The following MSANTD4 variants were observed in gnomAD, a reference collection of about 807,000 sequenced individuals.
MSANTD4 encodes Myb/SANT DNA binding domain containing 4 with coiled-coils.
Under a neutral mutation model 34.3 loss-of-function variants are expected in MSANTD4, and 13 were observed. That is an observed-to-expected ratio of 0.38 (90% CI 0.25 to 0.60). The LOEUF (loss-of-function observed/expected upper bound fraction) is 0.60, where lower values mean the gene tolerates loss of function less well. MSANTD4 is among the 20% of genes least tolerant of loss of function. The probability of loss-of-function intolerance (pLI) is 0.63; values close to 1 mark genes in which losing one functional copy is unlikely to be tolerated. For synonymous variants in MSANTD4, 137 were observed against 145.2 expected, an observed-to-expected ratio of 0.94 and a Z score of 0.41; for missense variants, 358 against 401.8, an observed-to-expected ratio of 0.89 and a Z score of 0.93.
chr11:106,021,156 A>T lies in MSANTD4; in HGVS notation c.-345T>A, dbSNP rs1860020845. The T allele has an allele frequency of 6.6e-6, 1 of 152,230 alleles. No homozygotes were observed. Among genetic ancestry groups the T allele is most frequent in the Non-Finnish European group, 1.5e-5 (1 of 68,040 alleles). The allele number at this position is 152,230 out of a possible 1,614,324, so 9.4% of individuals were successfully genotyped here. A position where few individuals can be genotyped will look rare whatever the true frequency, so the allele number is the denominator to read the frequency against. On this transcript the variant is annotated 5_prime_UTR_variant, in exon 1 of 3. Transcript: ENST00000301919. ...GGGATATAACACCTCATAAAATGTG[A>T]AAATATGTCATTTTAGATGTCAAAC...
chr11:106,011,234 G>C, intron 1 of MSANTD4, among the ~76,000 whole-genome samples, 167 bp from the exon 2 acceptor site: 1 of 152,196 alleles, frequency 6.6e-6, no homozygotes, highest in East Asian at 1.9e-4. Context: ...CCAAATTGCC[G>C]TTTTCTCCCC....
intron 1 of MSANTD4, among the ~76,000 whole-genome samples, chr11:106,018,880 A>C (rs938407680): frequency 2.6e-5 from 4 of 152,164 alleles, no homozygotes; most frequent in African/African-American, 9.7e-5. Flanking sequence ...ATGTCTTTAG[A>C]CCCCTATCCA....
chr11:106,009,106 T>TG lies in MSANTD4; in HGVS notation c.*428dup, dbSNP rs777183423. The TG allele has an allele frequency of 1.1e-4, 18 of 157,134 alleles. No homozygotes were observed. The East Asian group carries it at 1.7e-3, about 15-fold the overall frequency. 9.7% of individuals were successfully genotyped at this position (157,134 alleles called of 1,614,324 possible). A position where few individuals can be genotyped will look rare whatever the true frequency, so the allele number is the denominator to read the frequency against. On this transcript the variant is annotated 3_prime_UTR_variant, in exon 3 of 3. Coordinates refer to ENST00000301919, the MANE Select transcript of MSANTD4 (RefSeq NM_032424.3). ...GGGTTGGAAAATTCTTTACTGAGTG[T>TG]GGGGGGGTGTTGAGGAGGTATGCAT...
Position 106,009,370 on chromosome 11 carries a change from CT to C in MSANTD4, c.*164del. The C allele has an allele frequency of 1.6e-6, 1 of 642,292 alleles. No homozygotes were observed. The highest frequency in any genetic ancestry group is 2.7e-6 in the Non-Finnish European group (1 of 376,846). 39.8% of individuals were successfully genotyped at this position (642,292 alleles called of 1,614,324 possible). On this transcript the variant is annotated 3_prime_UTR_variant, in exon 3 of 3. Transcript: ENST00000301919. ...CTATACTGTTTACGCTAGGGCACAG[CT>C]TTTATATACTACTTAGGCATACAGT...
intron 2 of MSANTD4, 105 bp from the exon 3 acceptor site, chr11:106,010,215 A>G (rs1716599316): frequency 8.1e-7 from 1 of 1,230,892 alleles, no homozygotes; most frequent in Non-Finnish European, 1.1e-6. Context: ...AAAAATACTT[A>G]ATTTGAATTT....
chr11:106,014,152 T>A (rs1435093954), intron 1 of MSANTD4, among the ~76,000 whole-genome samples: 10 of 152,182 alleles, frequency 6.6e-5, no homozygotes, highest in Admixed American at 1.3e-4. Context: ...CGATATTTTT[T>A]AAAAAAGAAA....
chr11:106,019,351 G>A (rs776353587), intron 1 of MSANTD4, among the ~76,000 whole-genome samples: 1 of 152,114 alleles, frequency 6.6e-6, no homozygotes, highest in Non-Finnish European at 1.5e-5. Flanking sequence ...GTAAAAGTGA[G>A]TATTTTATTT....
chr11:106,017,216 T>C (rs1428961286), intron 1 of MSANTD4, among the ~76,000 whole-genome samples: 2 of 152,188 alleles, frequency 1.3e-5, no homozygotes, highest in South Asian at 2.1e-4. Flanking sequence ...GCCAACAAAA[T>C]TGGCAAAGGA....
chr11:106,008,237 A>G lies in MSANTD4; in HGVS notation c.*1298T>C, dbSNP rs57384125. ...ACCTTCAGAGAGCTGAAGGAAAATC[A>G]TCAGGTCAAGCAAGCCCTTGGTCTC... On this transcript the variant is annotated 3_prime_UTR_variant, in exon 3 of 3. Transcript: ENST00000301919. 9,420 of 152,650 alleles carry G rather than the reference A, an allele frequency of 0.062. 318 individuals carry two copies. Among genetic ancestry groups the G allele is most frequent in the Middle Eastern group, 0.085 (25 of 294 alleles). The allele number at this position is 152,650 out of a possible 1,614,324, so 9.5% of individuals were successfully genotyped here. A position where few individuals can be genotyped will look rare whatever the true frequency, so the allele number is the denominator to read the frequency against.
At chr11:106,013,252 T>C (rs899229701) in intron 1 of MSANTD4, among the ~76,000 whole-genome samples, 6 of 152,152 alleles carry the variant, frequency 3.9e-5, no homozygotes, top group African/African-American at 1.4e-4. Flanking sequence ...CAGAGCTGAC[T>C]TTTCCTCCCC....
Position 106,010,018 on chromosome 11 carries a change from C to T in MSANTD4, c.555G>A (p.Glu185=), listed in dbSNP as rs780435081. The T allele has an allele frequency of 9.3e-6, 15 of 1,604,374 alleles. No individual in the cohort carries two copies. The highest frequency in any genetic ancestry group is 1.3e-5 in the Non-Finnish European group (15 of 1,179,858). The change falls in exon 3 of 3, where the codon GAG becomes GAA. Residue 185 remains glutamate (E), a synonymous_variant. Coordinates refer to ENST00000301919, the MANE Select transcript of MSANTD4 (RefSeq NM_032424.3). The part of the protein sequence containing the change: ...NELPDFPHID[E]FFTLNSTPSR... ...ATGGTGTTGAGTTAAGGGTAAAAAA[C>T]TCATCAATGTGGGGGAAATCGGGAA... is the stretch of plus-strand genomic sequence containing the variant.
rs1284380624 is a variant in MSANTD4 at position 106,008,332 on chromosome 11, T to C, written c.*1203A>G. Reference sequence around the variant, plus strand: ...GGGAAGAGGGAAGGACAAAATATACTACAATATAGAAGATCAGCCATTTAC... The same window carrying C: ...GGGAAGAGGGAAGGACAAAATATACCACAATATAGAAGATCAGCCATTTAC... On this transcript the variant is annotated 3_prime_UTR_variant, in exon 3 of 3. Coordinates refer to ENST00000301919, the MANE Select transcript of MSANTD4 (RefSeq NM_032424.3). The C allele has an allele frequency of 1.3e-5, 2 of 152,310 alleles. No individual in the cohort carries two copies. Among genetic ancestry groups the C allele is most frequent in the Admixed American group, 6.6e-5 (1 of 15,266 alleles). The allele number at this position is 152,310 out of a possible 1,614,324, so 9.4% of individuals were successfully genotyped here.
At chr11:106,012,660 T>A (rs1245262378) in intron 1 of MSANTD4, among the ~76,000 whole-genome samples, 1 of 152,166 alleles carries the variant, frequency 6.6e-6, no homozygotes, top group Non-Finnish European at 1.5e-5. Flanking sequence ...AAATGTAAAC[T>A]TTTTAGGCTC....
chr11:106,019,182 A>G (rs1244792308), intron 1 of MSANTD4, among the ~76,000 whole-genome samples: 1 of 152,178 alleles, frequency 6.6e-6, no homozygotes. Flanking sequence ...CACCTTCCTC[A>G]TCAAACATGT....
rs1324956364 is a variant in MSANTD4 at position 106,008,322 on chromosome 11, CA to C, written c.*1212del. On this transcript the variant is annotated 3_prime_UTR_variant, in exon 3 of 3. Coordinates refer to ENST00000301919, the MANE Select transcript of MSANTD4 (RefSeq NM_032424.3). ...TTGTTCCTCAGGGAAGAGGGAAGGA[CA>C]AAATATACTACAATATAGAAGATCA... 3 of 152,224 alleles carry C rather than the reference CA, an allele frequency of 2.0e-5. No individual in the cohort carries two copies. Among genetic ancestry groups the C allele is most frequent in the Admixed American group, 1.3e-4 (2 of 15,256 alleles). The allele number at this position is 152,224 out of a possible 1,614,324, so 9.4% of individuals were successfully genotyped here.
chr11:106,011,304 A>T (rs1352594197), intron 1 of MSANTD4, among the ~76,000 whole-genome samples: 2 of 151,932 alleles, frequency 1.3e-5, no homozygotes, highest in African/African-American at 4.8e-5. Context: ...CTCCCTTCCT[A>T]CTACTTCAGC....
In MSANTD4 at chr11:106,011,082, G is replaced by A. The variant is rs1278182927; in HGVS notation, c.-150-15C>T. The A allele has an allele frequency of 2.4e-6, 3 of 1,256,552 alleles. No individual in the cohort carries two copies. The highest frequency in any genetic ancestry group is 6.3e-5 in the Admixed American group (2 of 31,884). 77.8% of individuals were successfully genotyped at this position (1,256,552 alleles called of 1,614,324 possible). On this transcript the variant is annotated splice_polypyrimidine_tract_variant and intron_variant, in intron 1 of 2. Transcript: ENST00000301919. Reference sequence around the variant, plus strand: ...CTGGATAATTCCTAAAAGGAAAAAAGTACAAGCAATCAATCAATCTGCAAC... The same window carrying A: ...CTGGATAATTCCTAAAAGGAAAAAAATACAAGCAATCAATCAATCTGCAAC...
chr11:106,009,344 G>A lies in MSANTD4; in HGVS notation c.*191C>T. On this transcript the variant is annotated 3_prime_UTR_variant, in exon 3 of 3. Transcript: ENST00000301919. ...AAAGAGTCCAGCACAGTAAGTTTCT[G>A]CTATACTGTTTACGCTAGGGCACAG... 1.7e-6 allele frequency: 1 copy of A among 577,412 alleles called. No individual in the cohort carries two copies. Among genetic ancestry groups the A allele is most frequent in the Non-Finnish European group, 3.0e-6 (1 of 328,556 alleles). 35.8% of individuals were successfully genotyped at this position (577,412 alleles called of 1,614,324 possible). A position where few individuals can be genotyped will look rare whatever the true frequency, so the allele number is the denominator to read the frequency against.
chr11:106,010,013 A>G lies in MSANTD4; in HGVS notation c.560T>C (p.Phe187Ser). Residue 187 changes from phenylalanine (F) to serine (S), a missense_variant, in exon 3 of 3, where the codon TTT becomes TCT. Phe to Ser is a radical substitution (Grantham distance 155, BLOSUM62 -2). Transcript: ENST00000301919. ...TCTAGATGGTGTTGAGTTAAGGGTA[A>G]AAAACTCATCAATGTGGGGGAAATC... is the stretch of plus-strand genomic sequence containing the variant. ...LPDFPHIDEF[F>S]TLNSTPSRSA... The G allele has an allele frequency of 6.2e-7, 1 of 1,605,912 alleles. No individual in the cohort carries two copies. Among genetic ancestry groups the G allele is most frequent in the Non-Finnish European group, 8.5e-7 (1 of 1,179,922 alleles).
Sources: allele counts gnomAD v4.1 joint callset (sites outside exome capture counted in the v4.1 genomes callset), GRCh38; gene constraint gnomAD v4.1.1; transcripts MANE v1.5; gene names NCBI Gene and HGNC (gene_info 2026-07-23, HGNC 2026-07-21).